Variants in FOXN3 observed in about 807,000 individuals in gnomAD.
FOXN3 encodes the protein forkhead box N3, also known as forkhead box protein N3.
FOXN3 carries 7 observed loss-of-function variants against 38.4 expected under a neutral mutation model. The observed-to-expected ratio is 0.18, with a 90% CI of 0.10 to 0.34. The LOEUF (loss-of-function observed/expected upper bound fraction) is 0.34, where lower values mean the gene tolerates loss of function less well. Among genes scored for constraint, FOXN3 ranks in the 10% least tolerant of loss-of-function variants. The pLI, the probability that FOXN3 is intolerant of heterozygous loss-of-function variation, is 1.00. For missense variants in FOXN3, 456 were observed against 613.4 expected, an observed-to-expected ratio of 0.74 and a Z score of 2.71; for synonymous variants, 230 against 242.2, an observed-to-expected ratio of 0.95 and a Z score of 0.47.
chr14:89,237,537 A>T (rs1885015110), intron 4 of FOXN3, among the ~76,000 whole-genome samples: 2 of 152,236 alleles, frequency 1.3e-5, no homozygotes, highest in Non-Finnish European at 1.5e-5. Context: ...TATCAATGTC[A>T]ATAAGCTGGT....
At chr14:89,317,612 C>T (rs1887759390) in intron 3 of FOXN3, among the ~76,000 whole-genome samples, 1 of 152,014 alleles carries the variant, frequency 6.6e-6, no homozygotes, top group Non-Finnish European at 1.5e-5. Context: ...AGAAGCACAC[C>T]GGATCCTGAC....
intron 3 of FOXN3, among the ~76,000 whole-genome samples, chr14:89,324,443 C>CGTGT (rs71130053): frequency 0.012 from 1,696 of 143,468 alleles, 19 homozygotes; most frequent in African/African-American, 0.033. Flanking sequence ...TAAGTGTGTG[C>CGTGT]GTGTGTGTGT....
chr14:89,405,540 C>CAGGG (rs1278603018), intron 2 of FOXN3, among the ~76,000 whole-genome samples: 1 of 152,076 alleles, frequency 6.6e-6, no homozygotes, highest in Non-Finnish European at 1.5e-5. Flanking sequence ...AGTGTACACG[C>CAGGG]AGGGAGAAAA....
intron 2 of FOXN3, among the ~76,000 whole-genome samples, chr14:89,360,728 C>CACCACCTCCACCACCACCACCACCACT (rs1566966338): frequency 7.2e-5 from 8 of 111,410 alleles, no homozygotes; most frequent in Non-Finnish European, 1.3e-4. Flanking sequence ...CCTCCACCAC[C>CACCACCTCCACCACCACCACCACCACT]ACCACCTCCA....
At chr14:89,493,211 G>T (rs886362017) in intron 1 of FOXN3, among the ~76,000 whole-genome samples, 13 of 152,012 alleles carry the variant, frequency 8.6e-5, no homozygotes, top group African/African-American at 3.1e-4. Flanking sequence ...AAAACTATGA[G>T]GTAAATGCAG....
intron 3 of FOXN3, among the ~76,000 whole-genome samples, chr14:89,284,113 C>T (rs781306996): frequency 1.2e-4 from 18 of 152,238 alleles, no homozygotes; most frequent in Non-Finnish European, 1.6e-4. Context: ...AAGCGATCCA[C>T]TCGCCTTGGC....
chr14:89,619,136 C>A (rs1286073483), upstream of FOXN3: 2 of 151,210 alleles, frequency 1.3e-5, no homozygotes, highest in Admixed American at 6.6e-5. Flanking sequence ...CCCGGCCGAG[C>A]TGCAGCAGAT....
At position 89,180,691 on chromosome 14, in the gene FOXN3, C is replaced by T; in HGVS notation, c.851+10G>A. 1 of 1,592,882 alleles carries T rather than the reference C, an allele frequency of 6.3e-7. No individual in the cohort carries two copies. The highest frequency in any genetic ancestry group is 2.3e-5 in the East Asian group (1 of 44,268). ...CCAGGCTGGCTCTGCCCAGCGCACT[C>T]CCCACTTACCTCATGGCCGCTGTCA... On this transcript the variant is annotated intron_variant, in intron 5 of 5. Coordinates refer to ENST00000557258, the MANE Select transcript of FOXN3 (RefSeq NM_005197.4).
intron 1 of FOXN3, among the ~76,000 whole-genome samples, chr14:89,511,222 T>C (rs938921739): frequency 3.2e-5 from 1 of 30,904 alleles, no homozygotes; most frequent in Non-Finnish European, 1.6e-4. Flanking sequence ...TTTCTTTCTT[T>C]CTTTCTTTTC....
intron 1 of FOXN3, among the ~76,000 whole-genome samples, chr14:89,447,650 G>T (rs1208925346): frequency 2.0e-5 from 3 of 151,784 alleles, no homozygotes; most frequent in Admixed American, 6.6e-5. Context: ...CTAGGAGACC[G>T]GCAGGCTCCC....
At chr14:89,325,227 CACCATCACTACCACCACCACG>C (rs1306791997) in intron 3 of FOXN3, among the ~76,000 whole-genome samples, 5,506 of 148,046 alleles carry the variant, frequency 0.037, 374 homozygotes, top group African/African-American at 0.13. Context: ...CCACCACCAC[CACCATCACTACCACCACCACG>C]ACCACCACCA....
chr14:89,199,296 C>T (rs898893159), intron 4 of FOXN3, among the ~76,000 whole-genome samples: 13 of 152,088 alleles, frequency 8.5e-5, no homozygotes, highest in East Asian at 7.7e-4. Context: ...CCAGTGAGCC[C>T]GGTGCACAAG....
chr14:89,584,085 C>G (rs919285158), intron 1 of FOXN3, among the ~76,000 whole-genome samples: 23 of 149,384 alleles, frequency 1.5e-4, no homozygotes, highest in African/African-American at 5.6e-4. Context: ...GTCTTGAACT[C>G]TTTACTCAAG....
intron 4 of FOXN3, among the ~76,000 whole-genome samples, chr14:89,254,161 C>G (rs1054720033): frequency 6.6e-6 from 1 of 152,166 alleles, no homozygotes; most frequent in Non-Finnish European, 1.5e-5. Context: ...ATCATAATGG[C>G]CCCTTCCTCA....
rs1566959320 is a variant in FOXN3 at position 89,333,988 on chromosome 14, A to ATATC, written c.680+16683_680+16684insGATA. On this transcript the variant is annotated intron_variant, in intron 3 of 5. Transcript: ENST00000557258. ...TGTGTATATATATATATATATATATATATATATATATATATATATATGTAT... is the reference window on the plus strand; with the variant it reads ...TGTGTATATATATATATATATATATATATCTATATATATATATATATATATGTAT... Among the ~76,000 whole-genome samples the ATATC allele has an allele frequency of 5.1e-4, 43 of 83,758 alleles. 1 individual carries two copies. Among genetic ancestry groups the ATATC allele is most frequent in the African/African-American group, 1.5e-3 (40 of 27,534 alleles). The allele number at this position is 83,758 out of a possible 152,430, so 54.9% of individuals were successfully genotyped here. A position where few individuals can be genotyped will look rare whatever the true frequency, so the allele number is the denominator to read the frequency against.
intron 3 of FOXN3, among the ~76,000 whole-genome samples, chr14:89,305,770 A>AT (rs1338379317): frequency 6.6e-6 from 1 of 152,250 alleles, no homozygotes; most frequent in African/African-American, 2.4e-5. Context: ...AATGATTCTT[A>AT]TTAAACGGAT....
chr14:89,348,938 T>C (rs1215505089), intron 3 of FOXN3, among the ~76,000 whole-genome samples: 1 of 152,166 alleles, frequency 6.6e-6, no homozygotes, highest in Non-Finnish European at 1.5e-5. Context: ...AACAAAATAC[T>C]GGTCTAAAGG....
At position 89,416,900 on chromosome 14, in the gene FOXN3, G is replaced by C. The variant is rs1891752136; in HGVS notation, c.-44C>G. The C allele has an allele frequency of 6.6e-6, 1 of 151,814 alleles. No individual in the cohort carries two copies. The highest frequency in any genetic ancestry group is 1.5e-5 in the Non-Finnish European group (1 of 67,924). 9.4% of individuals were successfully genotyped at this position (151,814 alleles called of 1,614,324 possible). The stretch of plus-strand genomic sequence containing the variant: ...CCGGAGCGGGGCACGGGGGTGCGGG[G>C]GCGCCGCTGCCCTTCAGCAGGAGCC... On this transcript the variant is annotated 5_prime_UTR_variant, in exon 1 of 6. Coordinates refer to ENST00000557258, the MANE Select transcript of FOXN3 (RefSeq NM_005197.4).
intron 1 of FOXN3, among the ~76,000 whole-genome samples, chr14:89,579,819 A>T (rs1026169571): frequency 8.6e-5 from 13 of 152,034 alleles, no homozygotes; most frequent in African/African-American, 3.1e-4. Flanking sequence ...TATCTTGTAT[A>T]TTTACTTGTT....
Sources: gnomAD v4.1 joint callset for allele counts (sites outside exome capture counted in the v4.1 genomes callset) on GRCh38, gnomAD v4.1.1 for gene constraint, MANE v1.5 for transcripts, NCBI Gene and HGNC (gene_info 2026-07-23, HGNC 2026-07-21) for gene names.